Variants in ADGRG2 observed in about 807,000 individuals in gnomAD.
ADGRG2 encodes the protein G protein-coupled receptor 64.
In ADGRG2, 26 loss-of-function variants were observed where a neutral mutation model predicts 74.1. The ratio of observed to expected loss-of-function variants is 0.35; its 90% confidence interval spans 0.26 to 0.49. The LOEUF (loss-of-function observed/expected upper bound fraction) is 0.49, where lower values mean the gene tolerates loss of function less well. Among genes scored for constraint, ADGRG2 ranks in the 20% least tolerant of loss-of-function variants. The pLI is 0.99. For synonymous variants in ADGRG2, 296 were observed against 295.2 expected (o/e 1.00, Z -0.03); for missense variants, 619 against 763.1 (o/e 0.81, Z 2.22).
intron 1 of ADGRG2, among the ~76,000 whole-genome samples, chrX:19,114,283 G>A (rs954080587): frequency 9.1e-6 from 1 of 109,303 alleles, no homozygotes; most frequent in African/African-American, 3.3e-5. Context: ...TGTTGAATGA[G>A]CCAGAATCAG....
chrX:19,002,886 G>A lies in ADGRG2; in HGVS notation c.2190C>T (p.Tyr730=), dbSNP rs1279218619. 8.3e-7 allele frequency: 1 copy of A among 1,208,032 alleles called. No homozygotes were observed. Among genetic ancestry groups the A allele is most frequent in the Non-Finnish European group, 1.1e-6 (1 of 892,028 alleles). Residue 730 remains tyrosine, a synonymous_variant, in exon 24 of 29, where the codon TAC becomes TAT. Coordinates refer to ENST00000379869, the MANE Select transcript of ADGRG2 (RefSeq NM_001079858.3). ...AGAATTTAAGGATGTATTTTCGGAT[G>A]TAAGTATTAAATACTTTGACAAGGG... is the stretch of plus-strand genomic sequence containing the variant. ...YLALVKVFNT[Y]IRKYILKFCI...
chrX:19,031,766 C>T (rs963979002), intron 8 of ADGRG2: 3 of 112,145 alleles, frequency 2.7e-5, no homozygotes, highest in African/African-American at 6.5e-5. Flanking sequence ...AAACTTTATA[C>T]GTATTAACCT....
At position 19,014,061 on chromosome X, in the gene ADGRG2, G is replaced by A. The variant is rs1350508720; in HGVS notation, c.724C>T (p.Pro242Ser). The A allele has an allele frequency of 1.8e-5, 22 of 1,199,822 alleles. No individual in the cohort carries two copies. Among genetic ancestry groups the A allele is most frequent in the Non-Finnish European group, 2.4e-5 (21 of 888,300 alleles). The change falls in exon 16 of 29, where the codon CCC becomes TCC. Residue 242 changes from proline to serine, a missense_variant. Coordinates refer to ENST00000379869, the MANE Select transcript of ADGRG2 (RefSeq NM_001079858.3). Reference sequence around the variant, plus strand: ...GGATGGTCAGCAAGACAGACAATGGGATCCTGCAGGTCACTAAAGGAACAA... The same window carrying A: ...GGATGGTCAGCAAGACAGACAATGGAATCCTGCAGGTCACTAAAGGAACAA... ...LEKLQCDLQD[P>S]IVCLADHPRG...
chrX:19,121,419 CCCTTGG>C (rs1250379381), intron 1 of ADGRG2, among the ~76,000 whole-genome samples: 1 of 111,604 alleles, frequency 9.0e-6, no homozygotes, highest in Non-Finnish European at 1.9e-5. Flanking sequence ...GGGAAAGTTT[CCCTTGG>C]CCTTTATAGT....
At position 19,028,230 on chromosome X, in the gene ADGRG2, TA is replaced by T. The variant is rs2146675486; in HGVS notation, c.366del (p.Phe122LeufsTer21). ...LSSICNDSAF[F>X]RGEIMFQYDK... is the part of the protein sequence containing the mutation. ...TCATATTGAAACATGATCTCACCTCTAAAAAATGCTAAAAATAAATTTTCAA... is the reference window on the plus strand; with the variant it reads ...TCATATTGAAACATGATCTCACCTCTAAAAATGCTAAAAATAAATTTTCAA... On this transcript the variant is annotated frameshift_variant, in exon 10 of 29. Coordinates refer to ENST00000379869, the MANE Select transcript of ADGRG2 (RefSeq NM_001079858.3). LOFTEE classifies it high-confidence loss of function. The T allele has an allele frequency of 2.0e-6, 2 of 999,719 alleles. No homozygotes were observed. The highest frequency in any genetic ancestry group is 2.8e-6 in the Non-Finnish European group (2 of 710,758). 82.4% of individuals were successfully genotyped at this position (999,719 alleles called of 1,213,427 possible).
At chrX:19,018,586 G>A (rs1193260136) in intron 15 of ADGRG2, among the ~76,000 whole-genome samples, 1 of 111,045 alleles carries the variant, frequency 9.0e-6, no homozygotes, top group Non-Finnish European at 1.9e-5. Context: ...TACCTCCCAC[G>A]CAGCTTGGTC....
chrX:19,086,604 A>G (rs945073638), intron 1 of ADGRG2, among the ~76,000 whole-genome samples: 5 of 111,603 alleles, frequency 4.5e-5, no homozygotes, highest in African/African-American at 1.6e-4. Context: ...GCTGCGTCCA[A>G]GAGTCAGAAC....
upstream of ADGRG2, chrX:19,122,617 G>C (rs1044392851): frequency 2.3e-4 from 25 of 109,266 alleles, no homozygotes; most frequent in Admixed American, 1.0e-3. Flanking sequence ...TCGGGCGCTC[G>C]GCGGCGGCGA....
Position 19,013,850 on chromosome X carries a change from G to A in ADGRG2, c.935C>T (p.Ser312Phe). 1.7e-6 allele frequency: 2 copies of A among 1,207,854 alleles called. No individual in the cohort carries two copies. Among genetic ancestry groups the A allele is most frequent in the South Asian group, 3.6e-5 (2 of 56,283 alleles). The change falls in exon 16 of 29, where the codon TCC becomes TTC. Residue 312 changes from serine to phenylalanine, a missense_variant. By Grantham distance (155) the Ser-to-Phe change is radical. Transcript: ENST00000379869. ...LSPQPSAPIA[S>F]SPAIDMPPQS... ...TGGGGGCATGTCAATGGCAGGGCTG[G>A]AAGCTATGGGAGCTGAAGGCTGGGG...
chrX:19,110,806 G>A (rs886443494), intron 1 of ADGRG2, among the ~76,000 whole-genome samples: 2 of 111,753 alleles, frequency 1.8e-5, no homozygotes, highest in African/African-American at 6.5e-5. Context: ...TTAATGTGCT[G>A]GAAGAATCAA....
At chrX:19,083,716 T>C (rs1195115476) in intron 1 of ADGRG2, among the ~76,000 whole-genome samples, 1 of 112,223 alleles carries the variant, frequency 8.9e-6, no homozygotes, top group Non-Finnish European at 1.9e-5. Context: ...CGACCTGACT[T>C]GTATCTTTTA....
rs373298659 is a variant in ADGRG2 at position 19,003,060 on chromosome X, C to G, written c.2016G>C (p.Leu672=). ...SKILIQLCAA[L]LLLNLVFLLD... is the part of the protein sequence containing the mutation. Reference sequence around the variant, plus strand: ...GGAGGAAGACCAGGTTCAGCAGAAGCAGAGCAGCACACAGCTGGATGAGGA... The same window carrying G: ...GGAGGAAGACCAGGTTCAGCAGAAGGAGAGCAGCACACAGCTGGATGAGGA... Residue 672 remains leucine (L), a synonymous_variant, in exon 24 of 29, where the codon CTG becomes CTC. Coordinates refer to ENST00000379869, the MANE Select transcript of ADGRG2 (RefSeq NM_001079858.3). 5.5e-4 allele frequency: 661 copies of G among 1,197,274 alleles called. 1 individual carries two copies. Among genetic ancestry groups the G allele is most frequent in the Non-Finnish European group, 7.1e-4 (629 of 883,800 alleles).
chrX:19,105,662 G>A (rs999139976), intron 1 of ADGRG2, among the ~76,000 whole-genome samples: 4 of 110,740 alleles, frequency 3.6e-5, no homozygotes, highest in East Asian at 2.8e-4. Flanking sequence ...AAACCACCAC[G>A]GCACGTGTAT....
At chrX:19,077,967 A>G (rs773879558) in intron 2 of ADGRG2, among the ~76,000 whole-genome samples, 4 of 111,888 alleles carry the variant, frequency 3.6e-5, no homozygotes, top group Non-Finnish European at 7.5e-5. Flanking sequence ...ATTAAATAAG[A>G]AAGTCATTAA....
intron 20 of ADGRG2, among the ~76,000 whole-genome samples, chrX:19,006,563 A>C (rs1323299410): frequency 1.8e-5 from 2 of 109,299 alleles, no homozygotes; most frequent in African/African-American, 6.7e-5. Flanking sequence ...TTTCTAGCAA[A>C]CTCCCAGGTG....
At chrX:19,004,675 G>A (rs2060194817) in intron 23 of ADGRG2, 83 bp downstream of exon 23, 3 of 983,286 alleles carry the variant, frequency 3.1e-6, no homozygotes, top group East Asian at 3.1e-5. Context: ...AAGGCAGGCC[G>A]AGGAAAGGGC....
At chrX:19,000,977 C>T (rs956213574) in intron 24 of ADGRG2, among the ~76,000 whole-genome samples, 60 of 110,567 alleles carry the variant, frequency 5.4e-4, no homozygotes, top group Non-Finnish European at 9.3e-4. Flanking sequence ...TCAGGTGATC[C>T]GCCCACCTCG....
At chrX:19,092,796 G>C (rs891200411) in intron 1 of ADGRG2, among the ~76,000 whole-genome samples, 1 of 111,820 alleles carries the variant, frequency 8.9e-6, no homozygotes, top group East Asian at 2.8e-4. Flanking sequence ...TTGTGTCTTA[G>C]AGCCTTCAGT....
intron 16 of ADGRG2, among the ~76,000 whole-genome samples, chrX:19,012,139 C>T (rs191680165): frequency 1.2e-4 from 13 of 112,243 alleles, no homozygotes; most frequent in Admixed American, 1.0e-3. Flanking sequence ...CTTACATGGT[C>T]GCATAATAGT....
Sources: gnomAD v4.1 joint callset for allele counts (sites outside exome capture counted in the v4.1 genomes callset) on GRCh38, gnomAD v4.1.1 for gene constraint, MANE v1.5 for transcripts, NCBI Gene and HGNC (gene_info 2026-07-23, HGNC 2026-07-21) for gene names.